The following CAMTA1 variants were observed in gnomAD, a reference collection of about 807,000 sequenced individuals.
CAMTA1 encodes the protein calmodulin-binding transcription activator 1.
In CAMTA1, 27 loss-of-function variants were observed where a neutral mutation model predicts 170.9. The observed-to-expected ratio is 0.16, with a 90% CI of 0.12 to 0.22. CAMTA1 has a LOEUF of 0.22. Among genes scored for constraint, CAMTA1 ranks in the 10% least tolerant of loss-of-function variants. The pLI, the probability that CAMTA1 is intolerant of heterozygous loss-of-function variation, is 1.00. For synonymous variants in CAMTA1, 833 were observed against 891.5 expected (o/e 0.93, Z 1.17); for missense variants, 1,619 against 2,217.2 (o/e 0.73, Z 5.42).
rs2096788082 is a variant in CAMTA1, at chr1:7,738,629, C to G, written c.4182+147C>G. Reference sequence around the variant, plus strand: ...GTGCAGAACATCGTTGGAGTATCTTCTTTCCTTGGGGCCACATTTTCATTC... The same window carrying G: ...GTGCAGAACATCGTTGGAGTATCTTGTTTCCTTGGGGCCACATTTTCATTC... On this transcript the variant is annotated intron_variant, in intron 16 of 22. Transcript: ENST00000303635. This position sits in a 1 kb window ranked among gnomAD's most constrained non-coding sequence, Gnocchi z 4.9. The G allele has an allele frequency of 2.3e-6, 2 of 858,704 alleles. No individual in the cohort carries two copies. The highest frequency in any genetic ancestry group is 3.5e-6 in the Non-Finnish European group (2 of 572,886). The allele number at this position is 858,704 out of a possible 1,614,324, so 53.2% of individuals were successfully genotyped here.
chr1:7,672,898 C>G (rs1222577909), intron 10 of CAMTA1, among the ~76,000 whole-genome samples: 1 of 152,312 alleles, frequency 6.6e-6, no homozygotes, highest in Non-Finnish European at 1.5e-5. Context: ...TCCCAGCCCC[C>G]ACCTGCCTGG....
intron 3 of CAMTA1, among the ~76,000 whole-genome samples, chr1:7,035,634 A>G (rs768019542): frequency 8.5e-5 from 13 of 152,210 alleles, no homozygotes; most frequent in Non-Finnish European, 1.0e-4. Context: ...AGGCAAATCA[A>G]TTCTTGGTGT....
At chr1:7,352,443 C>T (rs1218044730) in intron 5 of CAMTA1, among the ~76,000 whole-genome samples, 1 of 152,054 alleles carries the variant, frequency 6.6e-6, no homozygotes, top group African/African-American at 2.4e-5. Flanking sequence ...GCACAAAGGC[C>T]CGACATCTTG....
At chr1:7,061,429 C>T (rs1170640831) in intron 3 of CAMTA1, among the ~76,000 whole-genome samples, 1 of 152,218 alleles carries the variant, frequency 6.6e-6, no homozygotes, top group Non-Finnish European at 1.5e-5. Flanking sequence ...GCTGCGCTGG[C>T]CTGCATCATT....
chr1:7,126,687 A>G (rs1039814767), intron 4 of CAMTA1, among the ~76,000 whole-genome samples: 8 of 152,236 alleles, frequency 5.3e-5, no homozygotes, highest in Non-Finnish European at 7.3e-5. Flanking sequence ...TGAAGATCCA[A>G]CCAATGCATA....
rs1444049344 is a variant in CAMTA1 at position 7,347,565 on chromosome 1, A to G, written c.438+97939A>G. On this transcript the variant is annotated intron_variant, in intron 5 of 22. Transcript: ENST00000303635. ...GTATTGGTTTCCATAGCAAATTACC[A>G]CAAACTGGGTGGCTTAAAAGCACTG... 5.9e-5 allele frequency among the ~76,000 whole-genome samples: 9 copies of G among 152,326 alleles called. 1 individual carries two copies. The highest frequency in any genetic ancestry group is 2.2e-4 in the African/African-American group (9 of 41,576).
At chr1:6,938,748 C>T (rs1031946662) in intron 3 of CAMTA1, among the ~76,000 whole-genome samples, 3 of 152,152 alleles carry the variant, frequency 2.0e-5, no homozygotes, top group Admixed American at 6.5e-5. Flanking sequence ...TCATGATCTC[C>T]TCTGGCTCCC....
At chr1:7,130,297 C>A (rs1472929624) in intron 4 of CAMTA1, among the ~76,000 whole-genome samples, 4 of 152,216 alleles carry the variant, frequency 2.6e-5, no homozygotes, top group Admixed American at 1.3e-4. Context: ...TTGTGTGTAT[C>A]AAAAATTCAT....
chr1:7,157,530 A>G (rs1238304607), intron 4 of CAMTA1, among the ~76,000 whole-genome samples: 2 of 143,392 alleles, frequency 1.4e-5, no homozygotes, highest in Non-Finnish European at 2.9e-5. Flanking sequence ...TGAAAATTTT[A>G]AAAGACTGAG....
At chr1:7,576,777 A>G (rs990078154) in intron 6 of CAMTA1, among the ~76,000 whole-genome samples, 2 of 152,154 alleles carry the variant, frequency 1.3e-5, no homozygotes, top group East Asian at 3.9e-4. Context: ...GGAGCCAGCA[A>G]CCATCCTTGA....
intron 6 of CAMTA1, among the ~76,000 whole-genome samples, chr1:7,506,245 CA>C (rs1336590288): frequency 6.6e-6 from 1 of 152,120 alleles, no homozygotes; most frequent in Non-Finnish European, 1.5e-5. Context: ...CAAAGGAGAG[CA>C]GGGGTGGGAC....
chr1:7,312,074 C>A (rs1676808869), intron 5 of CAMTA1, among the ~76,000 whole-genome samples: 1 of 152,120 alleles, frequency 6.6e-6, no homozygotes, highest in East Asian at 1.9e-4. Flanking sequence ...ATTTTAGTTA[C>A]CTTGGTCAGT....
intron 6 of CAMTA1, among the ~76,000 whole-genome samples, chr1:7,615,927 C>T (rs1236767497): frequency 6.6e-6 from 1 of 152,254 alleles, no homozygotes; most frequent in Admixed American, 6.5e-5. Context: ...CCAGCACCTA[C>T]AATAGCTCTT....
chr1:7,474,777 C>T (rs2093393053), intron 6 of CAMTA1, among the ~76,000 whole-genome samples: 1 of 152,236 alleles, frequency 6.6e-6, no homozygotes, highest in Non-Finnish European at 1.5e-5. Flanking sequence ...CAATAAATGT[C>T]CCTTAGCCAC....
intron 3 of CAMTA1, among the ~76,000 whole-genome samples, chr1:7,071,118 C>T (rs759776365): frequency 2.1e-4 from 32 of 152,212 alleles, no homozygotes; most frequent in Non-Finnish European, 2.5e-4. Flanking sequence ...CCTCCCCCTC[C>T]TCCTCCTCTC....
chr1:7,654,933 C>T (rs1445771347), intron 7 of CAMTA1, among the ~76,000 whole-genome samples: 1 of 149,358 alleles, frequency 6.7e-6, no homozygotes, highest in Non-Finnish European at 1.5e-5. Context: ...TATACACACA[C>T]AAGCACACAC....
chr1:6,792,727 C>T (rs1641471587), intron 1 of CAMTA1, among the ~76,000 whole-genome samples: 1 of 152,034 alleles, frequency 6.6e-6, no homozygotes, highest in Non-Finnish European at 1.5e-5. Context: ...TACATGAATC[C>T]TTTTGCAGTT....
At chr1:7,317,965 C>T (rs941460982) in intron 5 of CAMTA1, among the ~76,000 whole-genome samples, 2 of 152,206 alleles carry the variant, frequency 1.3e-5, no homozygotes, top group Non-Finnish European at 2.9e-5. Context: ...TATTGAGGCC[C>T]TTCCTACCAC....
At chr1:7,510,431 C>T (rs2094188697) in intron 6 of CAMTA1, among the ~76,000 whole-genome samples, 1 of 145,614 alleles carries the variant, frequency 6.9e-6, no homozygotes, top group African/African-American at 2.5e-5. Flanking sequence ...TCACCTGTCC[C>T]ATGGGAAGGA....
Sources: gnomAD v4.1 joint callset for allele counts (sites outside exome capture counted in the v4.1 genomes callset) on GRCh38, gnomAD v4.1.1 for gene constraint, Gnocchi (gnomAD v3.1) non-coding constraint, MANE v1.5 for transcripts, NCBI Gene and HGNC (gene_info 2026-07-23, HGNC 2026-07-21) for gene names.